The following CEP41 variants were observed in gnomAD, a reference collection of about 807,000 sequenced individuals.
CEP41 encodes the protein centrosomal protein of 41 kDa.
A neutral mutation model predicts 44.3 loss-of-function variants in CEP41; 32 were observed. The ratio of observed to expected loss-of-function variants is 0.72; its 90% confidence interval spans 0.54 to 0.97. The LOEUF is 0.97. Ranked by LOEUF, CEP41 falls within the 50% of genes least tolerant of loss-of-function variation. The pLI is 0.00. For synonymous variants in CEP41, 151 were observed against 168.5 expected (o/e 0.90, Z 0.80); for missense variants, 432 against 455.2 (o/e 0.95, Z 0.46).
At chr7:130,422,626 A>G (rs181398398) in intron 2 of CEP41, among the ~76,000 whole-genome samples, 57 of 152,292 alleles carry the variant, frequency 3.7e-4, no homozygotes, top group Admixed American at 1.5e-3. Context: ...TTAAAATAAA[A>G]ATCTCTCCCC....
Position 130,438,747 on chromosome 7 carries a change from GGCAAACT to G in CEP41, c.33+2180_33+2186del, listed in dbSNP as rs1554426796. ...TGACCAGCAGACAAGATAAATATGTGGCAAACTGCCATTCTCCTCACCTATCTCTCCC... is the reference window on the plus strand; with the variant it reads ...TGACCAGCAGACAAGATAAATATGTGGCCATTCTCCTCACCTATCTCTCCC... On this transcript the variant is annotated intron_variant, in intron 1 of 10. Coordinates refer to ENST00000223208, the MANE Select transcript of CEP41 (RefSeq NM_018718.3). 3.9e-5 allele frequency among the ~76,000 whole-genome samples: 6 copies of G among 151,942 alleles called. No individual in the cohort carries two copies. In the South Asian group the frequency reaches 1.0e-3, roughly 26 times the overall value.
chr7:130,397,162 T>C lies in CEP41; in HGVS notation c.*1729A>G. 2.2e-6 allele frequency: 1 copy of C among 454,588 alleles called. No individual in the cohort carries two copies. Among genetic ancestry groups the C allele is most frequent in the Non-Finnish European group, 4.4e-6 (1 of 226,796 alleles). The allele number at this position is 454,588 out of a possible 1,614,324, so 28.2% of individuals were successfully genotyped here. ...AAGAAAATACAAAGCCAGAGCATTTTGGCATTAGCAAAGGCTGAACTAAGT... is the reference window on the plus strand; with the variant it reads ...AAGAAAATACAAAGCCAGAGCATTTCGGCATTAGCAAAGGCTGAACTAAGT... On this transcript the variant is annotated 3_prime_UTR_variant, in exon 11 of 11. Coordinates refer to ENST00000223208, the MANE Select transcript of CEP41 (RefSeq NM_018718.3).
At chr7:130,419,864 C>T in intron 2 of CEP41, 1 of 985,360 alleles carries the variant, frequency 1.0e-6, no homozygotes, top group Non-Finnish European at 1.2e-6. Context: ...CTCTATAGCA[C>T]TCGGCTTACA....
chr7:130,394,664 G>C lies in CEP41; in HGVS notation c.*4227C>G, dbSNP rs782065294. ...ATACACAAGGGGGACAGAAGATAAC[G>C]AGCTTTCTGGGTCTCCAGAATGACA... On this transcript the variant is annotated 3_prime_UTR_variant, in exon 11 of 11. Transcript: ENST00000223208. 2.2e-6 allele frequency: 1 copy of C among 453,916 alleles called. No homozygotes were observed. The highest frequency in any genetic ancestry group is 4.4e-6 in the Non-Finnish European group (1 of 226,766). The allele number at this position is 453,916 out of a possible 1,614,324, so 28.1% of individuals were successfully genotyped here.
chr7:130,397,506 ATTTTTTT>A lies in CEP41; in HGVS notation c.*1378_*1384del, dbSNP rs55776575. Reference sequence around the variant, plus strand: ...CCCCATGCTAGAAATACTGTGGTGCATTTTTTTTTTTTTTTTTTTTTTTTTTTGGTGG... The same window carrying A: ...CCCCATGCTAGAAATACTGTGGTGCATTTTTTTTTTTTTTTTTTTTGGTGG... On this transcript the variant is annotated 3_prime_UTR_variant, in exon 11 of 11. Coordinates refer to ENST00000223208, the MANE Select transcript of CEP41 (RefSeq NM_018718.3). 2.6e-3 allele frequency: 791 copies of A among 302,142 alleles called. No individual in the cohort carries two copies. Among genetic ancestry groups the A allele is most frequent in the East Asian group, 3.6e-3 (36 of 9,960 alleles). The allele number at this position is 302,142 out of a possible 1,614,324, so 18.7% of individuals were successfully genotyped here.
At chr7:130,417,578 G>A (rs1319702466) in intron 2 of CEP41, among the ~76,000 whole-genome samples, 6 of 152,258 alleles carry the variant, frequency 3.9e-5, no homozygotes, top group African/African-American at 1.4e-4. Context: ...AGAGGCCCCA[G>A]CCCTCATGTT....
intron 3 of CEP41, among the ~76,000 whole-genome samples, chr7:130,412,651 A>G (rs752982848): frequency 4.6e-5 from 7 of 152,234 alleles, no homozygotes; most frequent in Admixed American, 2.0e-4. Context: ...AGACTCAGAG[A>G]GGCTGAGCTG....
intron 1 of CEP41, among the ~76,000 whole-genome samples, chr7:130,434,559 TG>T (rs1247897469): frequency 2.0e-5 from 3 of 152,134 alleles, no homozygotes; most frequent in South Asian, 4.1e-4. Flanking sequence ...TAAATGACCA[TG>T]GGGAAACTGA....
intron 5 of CEP41, among the ~76,000 whole-genome samples, chr7:130,409,535 C>G (rs1554418939): frequency 1.3e-5 from 2 of 152,146 alleles, no homozygotes; most frequent in Non-Finnish European, 2.9e-5. Flanking sequence ...TTTATCCTCC[C>G]TAACAAAAAA....
At chr7:130,408,517 TAAA>T (rs1797079061) in intron 5 of CEP41, among the ~76,000 whole-genome samples, 1 of 152,136 alleles carries the variant, frequency 6.6e-6, no homozygotes, top group South Asian at 2.1e-4. Flanking sequence ...ATCAAATAAA[TAAA>T]AAACTGTTAG....
chr7:130,416,938 C>A lies in CEP41; in HGVS notation c.126G>T (p.Lys42Asn), dbSNP rs782081217. 6.3e-6 allele frequency: 10 copies of A among 1,591,140 alleles called. No homozygotes were observed. The highest frequency in any genetic ancestry group is 7.8e-6 in the Non-Finnish European group (9 of 1,159,140). Residue 42 changes from lysine to asparagine, a missense_variant, in exon 3 of 11, where the codon AAG becomes AAT. By Grantham distance (94) the Lys-to-Asn change is moderately conservative. Coordinates refer to ENST00000223208, the MANE Select transcript of CEP41 (RefSeq NM_018718.3). ...ACTTACTTTTCTTAATCTCTTCGAG[C>A]TTCTCAGTATATTTAGTCATACTGT... The part of the protein sequence containing the change: ...TGNSMTKYTE[K>N]LEEIKKNYRY...
chr7:130,401,978 CTG>C (rs1465779026), intron 7 of CEP41, 30 bp from the exon 8 acceptor site: 5 of 1,488,830 alleles, frequency 3.4e-6, no homozygotes, highest in Non-Finnish European at 4.7e-6. Flanking sequence ...TTTAGGAAGT[CTG>C]TTGTTCTCTT....
At chr7:130,401,626 A>T (rs1363074602) in intron 8 of CEP41, among the ~76,000 whole-genome samples, 1 of 152,158 alleles carries the variant, frequency 6.6e-6, no homozygotes, top group African/African-American at 2.4e-5. Context: ...GAGGAAAAAA[A>T]CTCTCTTAGG....
At chr7:130,412,357 A>C in intron 3 of CEP41, 117 bp from the exon 4 acceptor site, 480 of 651,854 alleles carry the variant, frequency 7.4e-4, no homozygotes, top group East Asian at 1.9e-3. Context: ...CTATTATCTC[A>C]TTTGAGCCTC....
At position 130,394,345 on chromosome 7, in the gene CEP41, T is replaced by A. The variant is rs1350194491; in HGVS notation, c.*4546A>T. 4.4e-6 allele frequency: 2 copies of A among 454,002 alleles called. No homozygotes were observed. The highest frequency in any genetic ancestry group is 8.8e-6 in the Non-Finnish European group (2 of 226,810). The allele number at this position is 454,002 out of a possible 1,614,324, so 28.1% of individuals were successfully genotyped here. On this transcript the variant is annotated 3_prime_UTR_variant, in exon 11 of 11. Coordinates refer to ENST00000223208, the MANE Select transcript of CEP41 (RefSeq NM_018718.3). ...AATGGGGGTGCCTGCCTCATCAGAC[T>A]GTTGTGGAAATTAAATGGGTCAAAA... is the stretch of plus-strand genomic sequence containing the variant.
In CEP41 at chr7:130,397,405, G is replaced by T; in HGVS notation, c.*1486C>A. On this transcript the variant is annotated 3_prime_UTR_variant, in exon 11 of 11. Transcript: ENST00000223208. ...AATAAACACACTCTAAAACAGAACTGGGCTGAATCTGAAAGTTATTTTTCC... is the reference window on the plus strand; with the variant it reads ...AATAAACACACTCTAAAACAGAACTTGGCTGAATCTGAAAGTTATTTTTCC... 2.2e-6 allele frequency: 1 copy of T among 448,704 alleles called. No homozygotes were observed. Among genetic ancestry groups the T allele is most frequent in the Non-Finnish European group, 4.5e-6 (1 of 223,960 alleles). 27.8% of individuals were successfully genotyped at this position (448,704 alleles called of 1,614,324 possible).
Position 130,399,035 on chromosome 7 carries a change from T to C in CEP41, c.978A>G (p.Arg326=). 2 of 1,614,050 alleles carry C rather than the reference T, an allele frequency of 1.2e-6. No homozygotes were observed. Among genetic ancestry groups the C allele is most frequent in the East Asian group, 2.2e-5 (1 of 44,878 alleles). Residue 326 remains arginine, a synonymous_variant, in exon 11 of 11, where the codon CGA becomes CGG. Transcript: ENST00000223208. The stretch of plus-strand genomic sequence containing the variant: ...TTCCGGAGGAGTTAGCTTGGTTCAG[T>C]CGGCCTGAAGGGAGCAAGAAAGAAG... ...EEQGPADHPS[R]LNQANSSGRE... is the part of the protein sequence containing the mutation.
intron 4 of CEP41, 24 bp from the exon 5 acceptor site, chr7:130,411,215 T>C: frequency 6.3e-7 from 1 of 1,586,564 alleles, no homozygotes; most frequent in Non-Finnish European, 8.7e-7. Context: ...GAATGAAATG[T>C]GTGGATGTTT....
chr7:130,416,851 A>T, intron 3 of CEP41, 68 bp downstream of exon 3: 2 of 1,185,494 alleles, frequency 1.7e-6, no homozygotes, highest in Non-Finnish European at 2.5e-6. Context: ...CACAATTGTT[A>T]GTTAAGAACC....
Sources: allele counts gnomAD v4.1 joint callset (sites outside exome capture counted in the v4.1 genomes callset), GRCh38; gene constraint gnomAD v4.1.1; transcripts MANE v1.5; gene names NCBI Gene and HGNC (gene_info 2026-07-23, HGNC 2026-07-21).